ITSN1: variants seen among roughly 807,000 people sequenced by gnomAD.
The protein encoded by ITSN1 is intersectin-1.
Under a neutral mutation model 239.8 loss-of-function variants are expected in ITSN1, and 58 were observed. The ratio of observed to expected loss-of-function variants is 0.24; its 90% CI spans 0.20 to 0.30. The LOEUF (loss-of-function observed/expected upper bound fraction) is 0.30, where lower values mean the gene tolerates loss of function less well. ITSN1 is among the 10% of genes least tolerant of loss of function. The pLI is 1.00. For missense variants in ITSN1, 1,558 were observed against 2,103.3 expected (o/e 0.74, Z 5.07); for synonymous variants, 780 against 770.8 (o/e 1.01, Z -0.20).
rs141625782 is a variant in ITSN1, at chr21:33,812,370, T to C, written c.2567+1148T>C. Among the ~76,000 whole-genome samples the C allele has an allele frequency of 3.9e-5, 6 of 152,362 alleles. No homozygotes were observed. In the East Asian group the frequency reaches 1.2e-3, roughly 29 times the overall value. On this transcript the variant is annotated intron_variant, in intron 21 of 39. Transcript: ENST00000381318. Reference sequence around the variant, plus strand: ...TCTCTTGCTATAATTATGGGCACCTTATTTTCCAAATGAAAAATCAGGAAT... The same window carrying C: ...TCTCTTGCTATAATTATGGGCACCTCATTTTCCAAATGAAAAATCAGGAAT...
Position 33,885,495 on chromosome 21 carries a change from A to T in ITSN1, c.4816A>T (p.Ile1606Phe). The part of the protein sequence containing the change: ...GRLMVNVVEG[I>F]ELKPCRSHGK... ...GTTGATGGTGAACGTGGTTGAAGGCATCGAGTTGAAACCCTGTCGGTCACA... is the reference window on the plus strand; with the variant it reads ...GTTGATGGTGAACGTGGTTGAAGGCTTCGAGTTGAAACCCTGTCGGTCACA... Residue 1606 changes from isoleucine to phenylalanine, a missense_variant, in exon 38 of 40, where the codon ATC becomes TTC. Physicochemically the swap from Ile to Phe is conservative, Grantham distance 21. Coordinates refer to ENST00000381318, the MANE Select transcript of ITSN1 (RefSeq NM_003024.3). 1 of 1,614,130 alleles carries T rather than the reference A, an allele frequency of 6.2e-7. No individual in the cohort carries two copies. The highest frequency in any genetic ancestry group is 2.2e-5 in the East Asian group (1 of 44,874).
chr21:33,735,280 C>T (rs781128528), intron 5 of ITSN1, 76 bp downstream of exon 5: 33 of 1,419,324 alleles, frequency 2.3e-5, no homozygotes, highest in Middle Eastern at 3.8e-4. Context: ...TTTTCCCTCT[C>T]GGTTTATAAC....
At chr21:33,667,548 G>A (rs1226346370) in intron 1 of ITSN1, among the ~76,000 whole-genome samples, 11 of 152,016 alleles carry the variant, frequency 7.2e-5, no homozygotes, top group Admixed American at 6.6e-4. Flanking sequence ...TTTGGGATGC[G>A]GTAGGTTTCT....
intron 4 of ITSN1, among the ~76,000 whole-genome samples, chr21:33,723,563 G>A (rs1601844510): frequency 2.0e-5 from 3 of 152,128 alleles, no homozygotes; most frequent in Admixed American, 2.0e-4. Context: ...GCAGTGAGCC[G>A]AGATCATGCC....
In ITSN1 at chr21:33,838,225, A is replaced by G. The variant is rs1022948140; in HGVS notation, c.3661+1593A>G. ...TGGGGCAGGGGGAGCCTCAAGCACA[A>G]TCTAGCTGTCCTCCTAAAGACTCTG... On this transcript the variant is annotated intron_variant, in intron 29 of 39. Transcript: ENST00000381318. 1.1e-4 allele frequency: 109 copies of G among 985,320 alleles called. No individual in the cohort carries two copies. In the Middle Eastern group the frequency reaches 4.7e-3, roughly 43 times the overall value. The allele number at this position is 985,320 out of a possible 1,614,324, so 61.0% of individuals were successfully genotyped here.
At chr21:33,768,053 C>T (rs1222572055) in intron 11 of ITSN1, among the ~76,000 whole-genome samples, 1 of 152,164 alleles carries the variant, frequency 6.6e-6, no homozygotes, top group Non-Finnish European at 1.5e-5. Context: ...GTTGTTCTAA[C>T]TTGTAACTTG....
chr21:33,710,089 T>G (rs2092370732), intron 1 of ITSN1, among the ~76,000 whole-genome samples: 1 of 151,222 alleles, frequency 6.6e-6, no homozygotes, highest in South Asian at 2.1e-4. Flanking sequence ...TTGTTTTTTT[T>G]TTTTTTTGAG....
intron 1 of ITSN1, among the ~76,000 whole-genome samples, chr21:33,713,724 A>G (rs992689409): frequency 6.6e-6 from 1 of 151,638 alleles, no homozygotes; most frequent in East Asian, 1.9e-4. Flanking sequence ...ACATGTTTCT[A>G]CTATTGTCTG....
chr21:33,651,406 G>A (rs919645212), intron 1 of ITSN1, among the ~76,000 whole-genome samples: 10 of 152,190 alleles, frequency 6.6e-5, no homozygotes, highest in Non-Finnish European at 1.5e-4. Context: ...GGATGTTGAC[G>A]TTTCTACCTA....
intron 1 of ITSN1, among the ~76,000 whole-genome samples, chr21:33,705,110 C>CAAAAAAA (rs1174530558): frequency 1.4e-5 from 1 of 69,730 alleles, no homozygotes; most frequent in Non-Finnish European, 3.1e-5. Flanking sequence ...GACTCCGTCT[C>CAAAAAAA]AAAAAAAAAA....
At chr21:33,881,596 T>C (rs1413373582) in intron 34 of ITSN1, among the ~76,000 whole-genome samples, 3 of 151,960 alleles carry the variant, frequency 2.0e-5, no homozygotes, top group Non-Finnish European at 4.4e-5. Flanking sequence ...TGGAGCTGTT[T>C]CATGCACAGA....
intron 33 of ITSN1, among the ~76,000 whole-genome samples, chr21:33,870,510 A>G (rs1982533163): frequency 6.6e-6 from 1 of 152,210 alleles, no homozygotes; most frequent in Non-Finnish European, 1.5e-5. Flanking sequence ...ATACATATGA[A>G]ATCTGCTAAA....
intron 7 of ITSN1, 110 bp downstream of exon 7, chr21:33,752,016 G>T (rs1296493011): frequency 2.1e-5 from 15 of 726,826 alleles, no homozygotes; most frequent in Non-Finnish European, 3.1e-5. Flanking sequence ...CATCTTTTTT[G>T]TAGGCTTTTG....
chr21:33,644,807 G>A (rs1470901565), intron 1 of ITSN1, among the ~76,000 whole-genome samples: 4 of 150,494 alleles, frequency 2.7e-5, no homozygotes, highest in East Asian at 2.0e-4. Context: ...TTAAGGAGGA[G>A]CTGCTGGTAA....
intron 17 of ITSN1, among the ~76,000 whole-genome samples, chr21:33,795,950 C>CTTT (rs5843623): frequency 0.099 from 13,782 of 139,746 alleles, 1,019 homozygotes; most frequent in East Asian, 0.42. Flanking sequence ...TAAAGTAATT[C>CTTT]TTTTTTTTTT....
chr21:33,872,904 AG>A (rs1184744484), intron 33 of ITSN1, among the ~76,000 whole-genome samples: 14 of 152,246 alleles, frequency 9.2e-5, no homozygotes, highest in Admixed American at 9.2e-4. Flanking sequence ...TTTTGTCATT[AG>A]AAAAATTGAT....
At chr21:33,755,228 C>CA in intron 7 of ITSN1, 69 bp from the exon 8 acceptor site, 1 of 776,836 alleles carries the variant, frequency 1.3e-6, no homozygotes, top group South Asian at 2.0e-5. Context: ...AGTTTACTGT[C>CA]ATTAAGGAAC....
rs577846167 is a variant in ITSN1 at position 33,811,351 on chromosome 21, C to T, written c.2567+129C>T. On this transcript the variant is annotated intron_variant, in intron 21 of 39. Coordinates refer to ENST00000381318, the MANE Select transcript of ITSN1 (RefSeq NM_003024.3). ...TGAGGGAGCTGGCTCATTTTCAGTA[C>T]TCCTTTCTCTAGCTGGCGAATTGGA... 60 of 820,194 alleles carry T rather than the reference C, an allele frequency of 7.3e-5. 1 individual carries two copies. In the South Asian group the frequency reaches 1.2e-3, roughly 16 times the overall value. 50.8% of individuals were successfully genotyped at this position (820,194 alleles called of 1,614,324 possible). A position where few individuals can be genotyped will look rare whatever the true frequency, so the allele number is the denominator to read the frequency against.
In ITSN1 at chr21:33,898,421, G is replaced by A. The variant is rs574549999; in HGVS notation, c.*10121G>A. 3.3e-5 allele frequency: 5 copies of A among 152,314 alleles called. No individual in the cohort carries two copies. Among genetic ancestry groups the A allele is most frequent in the South Asian group, 4.1e-4 (2 of 4,826 alleles). The allele number at this position is 152,314 out of a possible 1,614,324, so 9.4% of individuals were successfully genotyped here. A position where few individuals can be genotyped will look rare whatever the true frequency, so the allele number is the denominator to read the frequency against. On this transcript the variant is annotated 3_prime_UTR_variant, in exon 40 of 40. Coordinates refer to ENST00000381318, the MANE Select transcript of ITSN1 (RefSeq NM_003024.3). ...CCCAGGGGGAAGATGCCTTCCTCCC[G>A]TCTGCATTCCCAGAAAAGGATCAGA... is the stretch of plus-strand genomic sequence containing the variant.
Sources: allele counts gnomAD v4.1 joint callset (sites outside exome capture counted in the v4.1 genomes callset), GRCh38; gene constraint gnomAD v4.1.1; transcripts MANE v1.5; gene names NCBI Gene and HGNC (gene_info 2026-07-23, HGNC 2026-07-21).